Variants in ADCY8 observed in about 807,000 individuals in gnomAD.
ADCY8 encodes adenylate cyclase 8.
Under a neutral mutation model 119.7 loss-of-function variants are expected in ADCY8, and 51 were observed. That is an observed-to-expected ratio of 0.43 (90% CI 0.34 to 0.54). The LOEUF (loss-of-function observed/expected upper bound fraction) is 0.54, where lower values mean the gene tolerates loss of function less well. Among genes scored for constraint, ADCY8 ranks in the 20% least tolerant of loss-of-function variants. ADCY8 has a pLI of 0.03. For missense variants in ADCY8, 1,383 were observed against 1,598.8 expected, an observed-to-expected ratio of 0.87 and a Z score of 2.30; for synonymous variants, 665 against 651.0, an observed-to-expected ratio of 1.02 and a Z score of -0.33.
intron 17 of ADCY8, among the ~76,000 whole-genome samples, chr8:130,781,521 A>G (rs1369234780): frequency 6.6e-6 from 1 of 152,216 alleles, no homozygotes; most frequent in Non-Finnish European, 1.5e-5. Flanking sequence ...GATAAAGCCA[A>G]TGATCCTTAG....
chr8:130,861,086 A>T (rs1817914501), intron 9 of ADCY8, among the ~76,000 whole-genome samples: 1 of 152,158 alleles, frequency 6.6e-6, no homozygotes, highest in African/African-American at 2.4e-5. Context: ...TTCTTTCTTT[A>T]GCATCATACT....
chr8:130,879,524 T>C (rs1204171488), intron 8 of ADCY8, among the ~76,000 whole-genome samples: 1 of 152,208 alleles, frequency 6.6e-6, no homozygotes, highest in Non-Finnish European at 1.5e-5. Context: ...GTAAGCACAA[T>C]TTTTGAGGGC....
rs758543884 is a variant in ADCY8, at chr8:131,039,526, C to T, written c.808G>A (p.Gly270Ser). ...AGLGYGLLGDGIGYVLFTLFA... is the reference protein window; with the variant it reads ...AGLGYGLLGDSIGYVLFTLFA... The stretch of plus-strand genomic sequence containing the variant: ...AGCGTGAAGAGCACGTAGCCTATGC[C>T]GTCGCCCAGGAGCCCGTAGCCGAGG... Residue 270 changes from glycine (G) to serine (S), a missense_variant, in exon 1 of 18, where the codon GGC (glycine) becomes AGC (serine). Physicochemically the swap from Gly to Ser is moderately conservative, Grantham distance 56. Coordinates refer to ENST00000286355, the MANE Select transcript of ADCY8 (RefSeq NM_001115.3). 1.2e-6 allele frequency: 2 copies of T among 1,613,740 alleles called. No homozygotes were observed. The highest frequency in any genetic ancestry group is 1.7e-5 in the Admixed American group (1 of 59,992).
intron 2 of ADCY8, 100 bp from the exon 3 acceptor site, chr8:130,952,098 C>T: frequency 1.5e-6 from 2 of 1,370,806 alleles, no homozygotes; most frequent in South Asian, 1.3e-5. Flanking sequence ...GATGAACTCC[C>T]TTTGGGATTG....
At chr8:130,936,833 A>G (rs1179280718) in intron 5 of ADCY8, among the ~76,000 whole-genome samples, 3 of 152,214 alleles carry the variant, frequency 2.0e-5, no homozygotes, top group Non-Finnish European at 4.4e-5. Context: ...CATCTCCACA[A>G]GGGCATTTGT....
chr8:130,988,144 C>A (rs1822460933), intron 2 of ADCY8, among the ~76,000 whole-genome samples: 1 of 152,196 alleles, frequency 6.6e-6, no homozygotes, highest in South Asian at 2.1e-4. Flanking sequence ...AGGGCAATCT[C>A]ATTTGAAAGC....
rs1401397666 is a variant in ADCY8 at position 130,780,479 on chromosome 8, C to A, written c.3667G>T (p.Gly1223Cys). Reference sequence around the variant, plus strand: ...AACAAAGTCCGCCGGTTGTAATGACCCTTGATGATTCCTGTGTTGTTGTTC... The same window carrying A: ...AACAAAGTCCGCCGGTTGTAATGACACTTGATGATTCCTGTGTTGTTGTTC... Reference protein sequence around the residue: ...NENNNTGIIKGHYNRRTLLSP... With the variant: ...NENNNTGIIKCHYNRRTLLSP... The change falls in exon 18 of 18, where the codon GGT (glycine) becomes TGT (cysteine). Residue 1223 changes from glycine (G) to cysteine (C), a missense_variant. Coordinates refer to ENST00000286355, the MANE Select transcript of ADCY8 (RefSeq NM_001115.3). 4.3e-6 allele frequency: 7 copies of A among 1,613,800 alleles called. No individual in the cohort carries two copies. The African/African-American group carries it at 8.0e-5, about 18-fold the overall frequency.
chr8:130,791,728 C>T (rs1367211334), intron 15 of ADCY8, among the ~76,000 whole-genome samples: 1 of 152,184 alleles, frequency 6.6e-6, no homozygotes, highest in Admixed American at 6.5e-5. Context: ...ACACATGTGC[C>T]TCTCTCCAGG....
intron 10 of ADCY8, 84 bp from the exon 11 acceptor site, chr8:130,847,597 G>A: frequency 8.5e-7 from 1 of 1,170,602 alleles, no homozygotes; most frequent in East Asian, 2.4e-5. Context: ...AAATGGAGCA[G>A]TGTGCTATCA....
chr8:130,973,348 G>T (rs1022850012), intron 2 of ADCY8, among the ~76,000 whole-genome samples: 5 of 152,228 alleles, frequency 3.3e-5, no homozygotes, highest in African/African-American at 1.2e-4. Flanking sequence ...GGCATAAACA[G>T]AATCTTCAAA....
chr8:130,833,105 A>G lies in ADCY8; in HGVS notation c.2675+3172T>C, dbSNP rs145501264. ...GCATGGCCATGATATATCCATGGCC[A>G]CTAACCATCTTACCTAATTTGAAAA... On this transcript the variant is annotated intron_variant, in intron 12 of 17. Coordinates refer to ENST00000286355, the MANE Select transcript of ADCY8 (RefSeq NM_001115.3). Among the ~76,000 whole-genome samples the G allele has an allele frequency of 7.0e-3, 1,065 of 152,318 alleles. 15 individuals carry two copies. The highest frequency in any genetic ancestry group is 0.024 in the African/African-American group (999 of 41,570).
intron 12 of ADCY8, among the ~76,000 whole-genome samples, chr8:130,834,046 C>T (rs190527): frequency 0.61 from 92,926 of 151,958 alleles, 28,509 homozygotes; most frequent in South Asian, 0.71. Flanking sequence ...GTAGATCTTA[C>T]GTGCTGTCAC....
intron 9 of ADCY8, among the ~76,000 whole-genome samples, chr8:130,859,407 T>C (rs1409391180): frequency 6.6e-6 from 1 of 152,226 alleles, no homozygotes; most frequent in East Asian, 1.9e-4. Context: ...AGTATACCTA[T>C]ATAGGTGTTG....
intron 8 of ADCY8, among the ~76,000 whole-genome samples, chr8:130,875,563 C>T (rs1039423530): frequency 3.3e-5 from 5 of 152,178 alleles, no homozygotes; most frequent in Non-Finnish European, 7.3e-5. Context: ...TTACCTAATT[C>T]CAGAGTCCAA....
At chr8:130,953,281 A>G (rs1337081086) in intron 2 of ADCY8, among the ~76,000 whole-genome samples, 3 of 152,212 alleles carry the variant, frequency 2.0e-5, no homozygotes, top group Non-Finnish European at 4.4e-5. Context: ...ATGGTTTACT[A>G]TAGTGTCAAA....
chr8:130,780,361 C>CAAAAAAAA lies in ADCY8; in HGVS notation c.*21_*28dup, dbSNP rs5895055. The CAAAAAAAA allele has an allele frequency of 1.5e-5, 19 of 1,281,236 alleles. No homozygotes were observed. The highest frequency in any genetic ancestry group is 3.1e-5 in the Admixed American group (1 of 32,554). 79.4% of individuals were successfully genotyped at this position (1,281,236 alleles called of 1,614,324 possible). On this transcript the variant is annotated 3_prime_UTR_variant, in exon 18 of 18. Transcript: ENST00000286355. ...ATTTATTTTATATATAAAAGAAATA[C>CAAAAAAAA]AAAAAAAAAAAACAGAAAGAAAATG...
intron 8 of ADCY8, among the ~76,000 whole-genome samples, chr8:130,869,588 G>A (rs1218466646): frequency 6.7e-6 from 1 of 149,942 alleles, no homozygotes; most frequent in Non-Finnish European, 1.5e-5. Flanking sequence ...TGTGATCTCG[G>A]TTCACTGCAA....
At chr8:130,877,297 G>C (rs932664378) in intron 8 of ADCY8, among the ~76,000 whole-genome samples, 2 of 152,188 alleles carry the variant, frequency 1.3e-5, no homozygotes, top group African/African-American at 4.8e-5. Flanking sequence ...AAGCCAGAGT[G>C]TAAGTTCCCA....
chr8:130,920,120 G>A (rs917340631), intron 5 of ADCY8, among the ~76,000 whole-genome samples: 2 of 142,908 alleles, frequency 1.4e-5, no homozygotes, highest in African/African-American at 2.6e-5. Context: ...TTTAGCCTGG[G>A]TGACAGAACG....
Sources: gnomAD v4.1 joint callset for allele counts (sites outside exome capture counted in the v4.1 genomes callset) on GRCh38, gnomAD v4.1.1 for gene constraint, MANE v1.5 for transcripts, NCBI Gene and HGNC (gene_info 2026-07-23, HGNC 2026-07-21) for gene names.